Variants in DLGAP1 observed in about 807,000 individuals in gnomAD.
DLGAP1 encodes DLG associated protein 1.
In DLGAP1, 11 loss-of-function variants were observed where a neutral mutation model predicts 90.8. The ratio of observed to expected loss-of-function variants is 0.12; its 90% CI spans 0.08 to 0.20. DLGAP1 has a LOEUF of 0.20. DLGAP1 is among the 10% of genes least tolerant of loss of function. The pLI is 1.00. For missense variants in DLGAP1, 1,050 were observed against 1,333.8 expected, an observed-to-expected ratio of 0.79 and a Z score of 3.31; for synonymous variants, 558 against 540.7, an observed-to-expected ratio of 1.03 and a Z score of -0.44.
intron 1 of DLGAP1, among the ~76,000 whole-genome samples, chr18:4,271,407 G>A (rs2079278217): frequency 6.6e-6 from 1 of 152,142 alleles, no homozygotes; most frequent in Non-Finnish European, 1.5e-5. Context: ...CAATCTTAGA[G>A]AAACATATCA....
At chr18:4,331,068 A>G (rs1403885676) in intron 1 of DLGAP1, among the ~76,000 whole-genome samples, 3 of 151,756 alleles carry the variant, frequency 2.0e-5, no homozygotes. Context: ...TAATAAAGTG[A>G]TATCTTTATT....
intron 7 of DLGAP1, among the ~76,000 whole-genome samples, chr18:3,594,993 C>A (rs781725861): frequency 6.6e-6 from 1 of 152,210 alleles, no homozygotes; most frequent in Non-Finnish European, 1.5e-5. Flanking sequence ...AGAGAGTGTG[C>A]CTCAAAGCCC....
chr18:3,958,137 G>A (rs185055489), intron 3 of DLGAP1, among the ~76,000 whole-genome samples: 5 of 152,110 alleles, frequency 3.3e-5, no homozygotes, highest in Admixed American at 6.5e-5. Flanking sequence ...CAGGTGGTTC[G>A]AAGTGGGCAG....
chr18:4,038,614 G>A (rs551032784), intron 2 of DLGAP1, among the ~76,000 whole-genome samples: 1 of 152,294 alleles, frequency 6.6e-6, no homozygotes, highest in African/African-American at 2.4e-5. Flanking sequence ...AAGGAAGGCA[G>A]TTAAGGATCT....
intron 1 of DLGAP1, among the ~76,000 whole-genome samples, chr18:4,414,499 G>A (rs2082848056): frequency 6.6e-6 from 1 of 152,128 alleles, no homozygotes; most frequent in African/African-American, 2.4e-5. Context: ...TGAGATGGGT[G>A]GATCACTTGA....
chr18:4,090,594 A>G (rs910438044), intron 2 of DLGAP1, among the ~76,000 whole-genome samples: 3 of 152,228 alleles, frequency 2.0e-5, no homozygotes, highest in African/African-American at 7.2e-5. Flanking sequence ...TCAAGAAACA[A>G]TAGACGCTGG....
At chr18:3,694,283 A>G (rs1370806960) in intron 7 of DLGAP1, among the ~76,000 whole-genome samples, 1 of 152,118 alleles carries the variant, frequency 6.6e-6, no homozygotes, top group African/African-American at 2.4e-5. Context: ...TATCCAGTCT[A>G]TCATTGATGG....
At chr18:3,757,841 C>T (rs188368943) in intron 5 of DLGAP1, among the ~76,000 whole-genome samples, 29 of 152,158 alleles carry the variant, frequency 1.9e-4, no homozygotes, top group East Asian at 3.9e-4. Context: ...AGAGGGTGGA[C>T]GCGGTGGCTG....
intron 8 of DLGAP1, among the ~76,000 whole-genome samples, chr18:3,567,931 C>G (rs1358326204): frequency 1.3e-5 from 2 of 152,040 alleles, no homozygotes; most frequent in Non-Finnish European, 2.9e-5. Context: ...TAGAGTTTCC[C>G]TCTGTCGCCC....
intron 1 of DLGAP1, among the ~76,000 whole-genome samples, chr18:4,152,372 G>C (rs571736321): frequency 6.6e-6 from 1 of 152,178 alleles, no homozygotes; most frequent in Admixed American, 6.5e-5. Flanking sequence ...GTGCTTAAAT[G>C]AGTGTGGAAT....
intron 2 of DLGAP1, among the ~76,000 whole-genome samples, chr18:4,044,311 G>A (rs1225051184): frequency 6.6e-6 from 1 of 152,152 alleles, no homozygotes; most frequent in Non-Finnish European, 1.5e-5. Flanking sequence ...CGTAAAAGGA[G>A]TGTAACTTCC....
intron 3 of DLGAP1, among the ~76,000 whole-genome samples, chr18:3,933,999 AT>A (rs894434044): frequency 6.6e-6 from 1 of 152,180 alleles, no homozygotes; most frequent in African/African-American, 2.4e-5. Context: ...ACATTAAATG[AT>A]GGATTTGAGC....
intron 2 of DLGAP1, among the ~76,000 whole-genome samples, chr18:4,089,790 A>T (rs1428490502): frequency 6.6e-6 from 1 of 152,234 alleles, no homozygotes; most frequent in Non-Finnish European, 1.5e-5. Flanking sequence ...TCACGCCTGT[A>T]GTCCCAGCAC....
rs762260717 is a variant in DLGAP1, at chr18:3,682,859, C to CT, written c.1591+46275dup. 5.2e-3 allele frequency among the ~76,000 whole-genome samples: 730 copies of CT among 141,188 alleles called. 2 individuals are homozygous for CT. Among genetic ancestry groups the CT allele is most frequent in the African/African-American group, 0.012 (462 of 38,660 alleles). The allele number at this position is 141,188 out of a possible 152,430, so 92.6% of individuals were successfully genotyped here. On this transcript the variant is annotated intron_variant, in intron 7 of 12. Coordinates refer to ENST00000315677, the MANE Select transcript of DLGAP1 (RefSeq NM_004746.4). ...TATCCAAAGCTTGTTTTCTTTCTTTCTTTTTTTTTTTTTTCTGAGATGGAG... is the reference window on the plus strand; with the variant it reads ...TATCCAAAGCTTGTTTTCTTTCTTTCTTTTTTTTTTTTTTTCTGAGATGGAG...
chr18:4,234,928 T>C (rs12961282), intron 1 of DLGAP1, among the ~76,000 whole-genome samples: 1 of 152,224 alleles, frequency 6.6e-6, no homozygotes, highest in Non-Finnish European at 1.5e-5. Flanking sequence ...CCCTGAACTT[T>C]GTGTTTAAAT....
At chr18:4,016,895 T>G (rs1306404692) in intron 2 of DLGAP1, among the ~76,000 whole-genome samples, 1 of 152,182 alleles carries the variant, frequency 6.6e-6, no homozygotes, top group East Asian at 1.9e-4. Flanking sequence ...AAAAGTCATA[T>G]CCAGCTTGCA....
intron 1 of DLGAP1, among the ~76,000 whole-genome samples, chr18:4,400,535 T>A (rs941281584): frequency 6.6e-6 from 1 of 152,042 alleles, no homozygotes; most frequent in Non-Finnish European, 1.5e-5. Context: ...CGGATATATG[T>A]CACTAAGTGT....
At position 3,853,876 on chromosome 18, in the gene DLGAP1, C is replaced by A. The variant is rs567045082; in HGVS notation, c.957+25236G>T. Among the ~76,000 whole-genome samples, 22 of 152,190 alleles carry A rather than the reference C, an allele frequency of 1.4e-4. 1 individual carries two copies. The South Asian group carries it at 4.4e-3, about 30-fold the overall frequency. On this transcript the variant is annotated intron_variant, in intron 4 of 12. Transcript: ENST00000315677. ...CATATGATAGATTTAATATCTACTG[C>A]ATATATATCCACGGCCCTTTTTTCA...
At position 3,519,847 on chromosome 18, in the gene DLGAP1, C is replaced by T. The variant is rs1050139124; in HGVS notation, c.2480-11186G>A. ...GCTGGCACCTTGATCTTGGATTTCT[C>T]CGCAACTAGAGTAATGAGAAGTAAA... On this transcript the variant is annotated intron_variant, in intron 10 of 12. Transcript: ENST00000315677. Among the ~76,000 whole-genome samples the T allele has an allele frequency of 1.8e-4, 27 of 152,122 alleles. 1 individual carries two copies. Among genetic ancestry groups the T allele is most frequent in the Admixed American group, 4.6e-4 (7 of 15,254 alleles).
Sources: allele counts gnomAD v4.1 joint callset (sites outside exome capture counted in the v4.1 genomes callset), GRCh38; gene constraint gnomAD v4.1.1; transcripts MANE v1.5; gene names NCBI Gene and HGNC (gene_info 2026-07-23, HGNC 2026-07-21).